The following LARS2 variants were observed in gnomAD, a reference collection of about 807,000 sequenced individuals.
The protein encoded by LARS2 is leucine--tRNA ligase, mitochondrial.
In LARS2, 81 loss-of-function variants were observed where a neutral mutation model predicts 116.6. The ratio of observed to expected loss-of-function variants is 0.69; its 90% CI spans 0.58 to 0.84. The LOEUF (loss-of-function observed/expected upper bound fraction) is 0.84. Among genes scored for constraint, LARS2 ranks in the 40% least tolerant of loss-of-function variants. LARS2 has a pLI of 0.00. For synonymous variants in LARS2, 396 were observed against 407.2 expected (o/e 0.97, Z 0.33); for missense variants, 968 against 1,114.5 (o/e 0.87, Z 1.87).
rs1250109146 is a variant in LARS2 at position 45,417,521 on chromosome 3, G to A, written c.403G>A (p.Ala135Thr). 17 of 1,614,052 alleles carry A rather than the reference G, an allele frequency of 1.1e-5. No homozygotes were observed. The highest frequency in any genetic ancestry group is 1.1e-5 in the South Asian group (1 of 91,084). The stretch of plus-strand genomic sequence containing the variant: ...GGGATGGGATGCTTTTGGATTGCCT[G>A]CTGAAAATGCCGCAGTCGAGAGGAA... ...PMGWDAFGLPAENAAVERNLH... is the reference protein window; with the variant it reads ...PMGWDAFGLPTENAAVERNLH... The change falls in exon 5 of 22, where the codon GCT becomes ACT. Residue 135 changes from alanine (A) to threonine (T), a missense_variant. Physicochemically the swap from Ala to Thr is moderately conservative, Grantham distance 58. Transcript: ENST00000645846.
chr3:45,470,457 G>A (rs1699501698), intron 8 of LARS2, among the ~76,000 whole-genome samples: 1 of 152,134 alleles, frequency 6.6e-6, no homozygotes, highest in Admixed American at 6.6e-5. Context: ...TGAATGCCTA[G>A]TTCTGTTTCA....
intron 20 of LARS2, among the ~76,000 whole-genome samples, chr3:45,531,012 G>C (rs947568074): frequency 6.6e-6 from 1 of 152,150 alleles, no homozygotes; most frequent in Admixed American, 6.5e-5. Context: ...CTCATGGTCT[G>C]TCTCAAGTAT....
chr3:45,478,404 T>C (rs747034719), intron 10 of LARS2, among the ~76,000 whole-genome samples: 3 of 152,208 alleles, frequency 2.0e-5, no homozygotes, highest in Non-Finnish European at 2.9e-5. Flanking sequence ...TAAGGTACTA[T>C]TAATAGGGGA....
chr3:45,526,524 T>C (rs1030326914), intron 20 of LARS2, among the ~76,000 whole-genome samples: 2 of 152,116 alleles, frequency 1.3e-5, no homozygotes, highest in African/African-American at 4.8e-5. Flanking sequence ...AGTCAAGTCA[T>C]CATTGATCAG....
chr3:45,521,298 C>G lies in LARS2; in HGVS notation c.2292+1002C>G, dbSNP rs137966020. Among the ~76,000 whole-genome samples the G allele has an allele frequency of 4.5e-3, 692 of 152,112 alleles. 7 individuals are homozygous for G. The highest frequency in any genetic ancestry group is 0.026 in the East Asian group (135 of 5,164). ...TCAGCCTGGGCGACAAAGCAAGACT[C>G]CGCCTCAAAAACAAAGTAAAAAAAT... On this transcript the variant is annotated intron_variant, in intron 19 of 21. Transcript: ENST00000645846.
At chr3:45,484,986 C>G (rs1437035905) in intron 10 of LARS2, among the ~76,000 whole-genome samples, 1 of 152,004 alleles carries the variant, frequency 6.6e-6, no homozygotes, top group Non-Finnish European at 1.5e-5. Context: ...CTTATTTTCC[C>G]AAAGATGCTT....
At chr3:45,418,546 AACT>A (rs1698467315) in intron 5 of LARS2, among the ~76,000 whole-genome samples, 1 of 152,266 alleles carries the variant, frequency 6.6e-6, no homozygotes, top group Non-Finnish European at 1.5e-5. Context: ...GGAGTTGGCA[AACT>A]ACGGCCTGTG....
At chr3:45,533,173 T>C (rs1330161848) in intron 20 of LARS2, among the ~76,000 whole-genome samples, 4 of 95,280 alleles carry the variant, frequency 4.2e-5, no homozygotes, top group Admixed American at 2.8e-4. Context: ...TTTTTTGAGA[T>C]GGAGTCTTGC....
chr3:45,546,947 A>G (rs1215725858), intron 21 of LARS2, among the ~76,000 whole-genome samples: 1 of 152,198 alleles, frequency 6.6e-6, no homozygotes, highest in African/African-American at 2.4e-5. Context: ...AGCTCACTCT[A>G]ACCTGGATCT....
intron 14 of LARS2, among the ~76,000 whole-genome samples, 160 bp downstream of exon 14, chr3:45,496,533 C>T (rs1700014412): frequency 6.6e-6 from 1 of 152,132 alleles, no homozygotes; most frequent in Non-Finnish European, 1.5e-5. Context: ...TGCTCTTAGA[C>T]CACGATGGAG....
intron 21 of LARS2, among the ~76,000 whole-genome samples, chr3:45,545,404 C>G (rs372674562): frequency 6.6e-6 from 1 of 152,244 alleles, no homozygotes; most frequent in Non-Finnish European, 1.5e-5. Context: ...AGCATAGCAG[C>G]CTCTTTTTGA....
intron 20 of LARS2, among the ~76,000 whole-genome samples, chr3:45,529,160 C>T (rs1279177206): frequency 3.3e-5 from 5 of 152,166 alleles, no homozygotes; most frequent in Non-Finnish European, 5.9e-5. Flanking sequence ...TGAGTCACCG[C>T]GCCCGGCCTA....
At chr3:45,491,411 G>A in intron 12 of LARS2, 106 bp from the exon 13 acceptor site, 1 of 1,245,134 alleles carries the variant, frequency 8.0e-7, no homozygotes, top group Non-Finnish European at 1.2e-6. Flanking sequence ...CACAGAACTG[G>A]TCCCTTGGGA....
chr3:45,491,013 T>C (rs1468828141), intron 12 of LARS2, among the ~76,000 whole-genome samples: 1 of 152,262 alleles, frequency 6.6e-6, no homozygotes, highest in Non-Finnish European at 1.5e-5. Context: ...GGATTTTTCT[T>C]TTCTGAATAT....
chr3:45,429,537 C>T lies in LARS2; in HGVS notation c.516+9808C>T, dbSNP rs114517936. Among the ~76,000 whole-genome samples, 1,345 of 152,220 alleles carry T rather than the reference C, an allele frequency of 8.8e-3. 29 individuals carry two copies. Among genetic ancestry groups the T allele is most frequent in the Admixed American group, 0.05 (768 of 15,288 alleles). ...GAGGAAGATTTCTGCTTTTGCATACCCATTTGATTACATTGGGCCACCTGG... is the reference window on the plus strand; with the variant it reads ...GAGGAAGATTTCTGCTTTTGCATACTCATTTGATTACATTGGGCCACCTGG... On this transcript the variant is annotated intron_variant, in intron 6 of 21. Coordinates refer to ENST00000645846, the MANE Select transcript of LARS2 (RefSeq NM_015340.4).
intron 4 of LARS2, among the ~76,000 whole-genome samples, chr3:45,402,753 G>C (rs947611265): frequency 1.3e-5 from 2 of 152,080 alleles, no homozygotes; most frequent in Non-Finnish European, 2.9e-5. Flanking sequence ...TCTGGTTTTT[G>C]TCAGATGTTA....
intron 6 of LARS2, among the ~76,000 whole-genome samples, chr3:45,435,116 G>A (rs1319750659): frequency 6.6e-6 from 1 of 152,200 alleles, no homozygotes; most frequent in Admixed American, 6.5e-5. Context: ...ATACAGGCAT[G>A]TATCCCCACA....
intron 14 of LARS2, among the ~76,000 whole-genome samples, chr3:45,499,223 C>G (rs1451576585): frequency 2.0e-5 from 3 of 152,150 alleles, no homozygotes; most frequent in African/African-American, 7.2e-5. Flanking sequence ...AGGCAGATCA[C>G]CTGAGGTCAG....
intron 6 of LARS2, among the ~76,000 whole-genome samples, chr3:45,436,976 TA>T (rs1575253787): frequency 1.3e-5 from 2 of 152,236 alleles, no homozygotes; most frequent in East Asian, 3.9e-4. Flanking sequence ...CAGGTTACCA[TA>T]AAAATGATAG....
Sources: allele counts gnomAD v4.1 joint callset (sites outside exome capture counted in the v4.1 genomes callset), GRCh38; gene constraint gnomAD v4.1.1; transcripts MANE v1.5; gene names NCBI Gene and HGNC (gene_info 2026-07-23, HGNC 2026-07-21).